NCOR2: variants seen among roughly 807,000 people sequenced by gnomAD.
NCOR2 encodes nuclear receptor corepressor 2.
NCOR2 carries 81 observed loss-of-function variants against 262.9 expected under a neutral mutation model. That is an observed-to-expected ratio of 0.31 (90% CI 0.26 to 0.37). The LOEUF (loss-of-function observed/expected upper bound fraction) is 0.37, where lower values mean the gene tolerates loss of function less well. NCOR2 is among the 10% of genes least tolerant of loss of function. The pLI is 1.00. For synonymous variants in NCOR2, 1,659 were observed against 1,559.3 expected (o/e 1.06, Z -1.51); for missense variants, 3,385 against 3,621.4 (o/e 0.93, Z 1.68).
chr12:124,487,232 CAGGAGA>C (rs1447840871), intron 1 of NCOR2, among the ~76,000 whole-genome samples: 1 of 152,204 alleles, frequency 6.6e-6, no homozygotes, highest in Non-Finnish European at 1.5e-5. Flanking sequence ...CCTCACTCGC[CAGGAGA>C]AGGATGGATG....
chr12:124,403,740 G>T (rs1205764626), intron 13 of NCOR2, among the ~76,000 whole-genome samples: 1 of 152,148 alleles, frequency 6.6e-6, no homozygotes, highest in Admixed American at 6.5e-5. Flanking sequence ...TTTCCTTCCT[G>T]CCAGGAACAG....
At chr12:124,511,278 C>A (rs770487898) in intron 1 of NCOR2, among the ~76,000 whole-genome samples, 28 of 152,220 alleles carry the variant, frequency 1.8e-4, no homozygotes, top group Non-Finnish European at 3.4e-4. Context: ...CGGCTCCACT[C>A]CAGGTCTCCA....
chr12:124,505,297 G>C (rs921591097), intron 1 of NCOR2, among the ~76,000 whole-genome samples: 1 of 152,042 alleles, frequency 6.6e-6, no homozygotes, highest in Admixed American at 6.5e-5. Flanking sequence ...GGGGCCCCCC[G>C]GTGCCATGGC....
chr12:124,341,999 C>G, exon 34 of NCOR2: 2 of 1,613,310 alleles, frequency 1.2e-6, no homozygotes, highest in South Asian at 2.2e-5. Flanking sequence ...GGGGTAGCCG[C>G]GGATGAGGTA....
At chr12:124,484,192 T>C (rs2047656250) in intron 2 of NCOR2, among the ~76,000 whole-genome samples, 1 of 152,192 alleles carries the variant, frequency 6.6e-6, no homozygotes. Context: ...CGGGAAACGC[T>C]GTGAGCCTAA....
intron 20 of NCOR2, among the ~76,000 whole-genome samples, chr12:124,367,715 C>A (rs1442402663): frequency 6.6e-6 from 1 of 152,216 alleles, no homozygotes; most frequent in Non-Finnish European, 1.5e-5. Flanking sequence ...TCACTGCAAG[C>A]TCTGCTTCCT....
Position 124,400,563 on chromosome 12 carries a change from C to CAA in NCOR2, c.1750_1751insTT (p.Arg584LeufsTer27). ...GCTGTTGGCCTCATTAGCCATTGAG[C>CAA]GGGTGATGCGGCCTTTGCGTCTTCC... On this transcript the variant is annotated frameshift_variant, in exon 15 of 47. Transcript: ENST00000405201. LOFTEE classifies it high-confidence loss of function. 6.2e-7 allele frequency: 1 copy of CAA among 1,614,206 alleles called. No homozygotes were observed. Among genetic ancestry groups the CAA allele is most frequent in the Non-Finnish European group, 8.5e-7 (1 of 1,180,042 alleles).
At chr12:124,374,585 G>GTGCA in intron 18 of NCOR2, 122 bp from the exon 21 acceptor site, 1 of 924,932 alleles carries the variant, frequency 1.1e-6, no homozygotes, top group Non-Finnish European at 1.7e-6. Flanking sequence ...CCTCGCTGCT[G>GTGCA]CTCGCTCTCC....
intron 42 of NCOR2, among the ~76,000 whole-genome samples, chr12:124,332,888 G>A (rs971062145): frequency 3.9e-5 from 6 of 152,130 alleles, no homozygotes; most frequent in African/African-American, 1.2e-4. Context: ...GGCTGTCAAC[G>A]GGGGCCTGGT....
At chr12:124,332,580 C>A in intron 42 of NCOR2, 113 bp from the exon 45 acceptor site, 1 of 1,331,178 alleles carries the variant, frequency 7.5e-7, no homozygotes, top group South Asian at 1.3e-5. Flanking sequence ...AAGCTTCACC[C>A]GCCCCCACGC....
At chr12:124,480,565 T>C (rs574283809) in intron 3 of NCOR2, among the ~76,000 whole-genome samples, 88 of 152,290 alleles carry the variant, frequency 5.8e-4, no homozygotes, top group Non-Finnish European at 8.8e-5. Context: ...GTGCTTAATC[T>C]GTGCACATCC....
At chr12:124,495,409 G>A (rs2048326541), upstream of NCOR2, 1 of 1,391,926 alleles carries the variant, frequency 7.2e-7, no homozygotes, top group African/African-American at 1.5e-5. The surrounding 1 kb of genome is among the most constrained non-coding windows in gnomAD (Gnocchi z 4.4). Context: ...TCAGCCACGG[G>A]GCAGCTGGCT....
chr12:124,331,033 G>T, intron 43 of NCOR2, 135 bp from the exon 46 acceptor site: 1 of 816,282 alleles, frequency 1.2e-6, no homozygotes, highest in Non-Finnish European at 2.0e-6. Context: ...TCATGCAGCA[G>T]GCCTGGGACA....
At chr12:124,506,634 C>T (rs1165384230) in intron 1 of NCOR2, among the ~76,000 whole-genome samples, 4 of 152,162 alleles carry the variant, frequency 2.6e-5, no homozygotes, top group African/African-American at 2.4e-5. Flanking sequence ...ACAAACATTA[C>T]GCCTGGTTCT....
intron 34 of NCOR2, 87 bp from the exon 37 acceptor site, chr12:124,340,838 C>T (rs892055945): frequency 1.8e-5 from 23 of 1,295,448 alleles, no homozygotes; most frequent in South Asian, 1.2e-4. Flanking sequence ...CTGGAGAGCA[C>T]GGCACACACT....
Position 124,549,738 on chromosome 12 carries a change from G to A in NCOR2, c.-164-14127C>T, listed in dbSNP as rs1566051198. 6.6e-6 allele frequency among the ~76,000 whole-genome samples: 1 copy of A among 152,150 alleles called. No individual in the cohort carries two copies. On this transcript the variant is annotated intron_variant, in intron 1 of 32. Transcript: ENST00000458234. The surrounding 1 kb of genome is among the most constrained non-coding windows in gnomAD (Gnocchi z 4.4). The stretch of plus-strand genomic sequence containing the variant: ...CCTGAAGGTGACAGAGCGCCTCGCC[G>A]TATCACCAGCAACCCCTCAAGATAA...
Position 124,327,642 on chromosome 12 carries a change from G to A in NCOR2, c.6959-9C>T. 3 of 1,597,114 alleles carry A rather than the reference G, an allele frequency of 1.9e-6. No homozygotes were observed. The highest frequency in any genetic ancestry group is 2.6e-6 in the Non-Finnish European group (3 of 1,175,376). On this transcript the variant is annotated splice_polypyrimidine_tract_variant and intron_variant, in intron 44 of 46. Transcript: ENST00000405201. ...TCTATAGGTCATAAGGCCTGGGAGA[G>A]AGAGACAGACAGACAGACAGACACA... is the stretch of plus-strand genomic sequence containing the variant.
At chr12:124,412,287 G>A (rs889026225) in intron 13 of NCOR2, among the ~76,000 whole-genome samples, 2 of 152,238 alleles carry the variant, frequency 1.3e-5, no homozygotes, top group African/African-American at 2.4e-5. Context: ...ACATGGTGTC[G>A]GGGTGACAGG....
intron 1 of NCOR2, chr12:124,530,061 G>T (rs2050699766): frequency 6.6e-6 from 1 of 152,184 alleles, no homozygotes; most frequent in African/African-American, 2.4e-5. Context: ...TGGAAACTTT[G>T]ATGTCCATCA....
Sources: allele counts gnomAD v4.1 joint callset (sites outside exome capture counted in the v4.1 genomes callset), GRCh38; gene constraint gnomAD v4.1.1; non-coding constraint Gnocchi (gnomAD v3.1); transcripts MANE v1.5; gene names NCBI Gene and HGNC (gene_info 2026-07-23, HGNC 2026-07-21).